Variants in MYO10 observed in about 807,000 individuals in gnomAD.
The protein encoded by MYO10 is unconventional myosin-X.
Under a neutral mutation model 257.3 loss-of-function variants are expected in MYO10, and 133 were observed. The observed-to-expected ratio is 0.52, with a 90% confidence interval of 0.45 to 0.60. The LOEUF is 0.60. Among genes scored for constraint, MYO10 ranks in the 20% least tolerant of loss-of-function variants. The pLI is 0.00. For missense variants in MYO10, 2,399 were observed against 2,635.7 expected (o/e 0.91, Z 1.97); for synonymous variants, 1,104 against 1,028.6 (o/e 1.07, Z -1.40).
At chr5:16,762,194 T>C (rs1309011126) in intron 15 of MYO10, 81 bp from the exon 16 acceptor site, 1 of 1,388,990 alleles carries the variant, frequency 7.2e-7, no homozygotes, top group Non-Finnish European at 9.4e-7. Flanking sequence ...CAGAGAACAC[T>C]AAATACAAAA....
chr5:16,848,155 C>CTTTTTTTTTTTTTTTTTTTTTTTTTTTT (rs371042891), intron 2 of MYO10, among the ~76,000 whole-genome samples: 1 of 113,596 alleles, frequency 8.8e-6, no homozygotes, highest in Non-Finnish European at 1.7e-5. Flanking sequence ...CTACACATTT[C>CTTTTTTTTTTTTTTTTTTTTTTTTTTTT]TTTTTTTTTT....
chr5:16,712,541 T>C (rs1300952079), intron 19 of MYO10, among the ~76,000 whole-genome samples: 2 of 152,278 alleles, frequency 1.3e-5, no homozygotes, highest in East Asian at 3.9e-4. Context: ...GTTAAAAAAA[T>C]ACAAGAATGC....
intron 1 of MYO10, among the ~76,000 whole-genome samples, chr5:16,919,714 C>T (rs890857810): frequency 1.3e-5 from 2 of 152,166 alleles, no homozygotes; most frequent in East Asian, 3.9e-4. Context: ...CAGTGGTTCA[C>T]GCCTGTAATC....
intron 9 of MYO10, 29 bp downstream of exon 9, chr5:16,779,516 A>C (rs1741335941): frequency 7.5e-7 from 1 of 1,338,074 alleles, no homozygotes; most frequent in Non-Finnish European, 1.0e-6. Flanking sequence ...CTGATATCTT[A>C]ATAGGGAAAA....
At chr5:16,704,539 T>C in intron 22 of MYO10, 40 bp downstream of exon 22, 1 of 1,543,432 alleles carries the variant, frequency 6.5e-7, no homozygotes, top group Non-Finnish European at 8.9e-7. Flanking sequence ...GACCCCCTCA[T>C]GGAGCTTCCT....
At chr5:16,898,213 G>A (rs1745267107) in intron 1 of MYO10, among the ~76,000 whole-genome samples, 1 of 151,618 alleles carries the variant, frequency 6.6e-6, no homozygotes, top group Admixed American at 6.6e-5. Context: ...GCAGAAATAA[G>A]GCAAGCCACA....
chr5:16,729,404 TTCTC>T (rs563015422), intron 19 of MYO10, among the ~76,000 whole-genome samples: 149 of 152,268 alleles, frequency 9.8e-4, no homozygotes, highest in African/African-American at 3.6e-3. Flanking sequence ...ATTTTTGTAT[TTCTC>T]TCTACCTTCA....
intron 40 of MYO10, 117 bp from the exon 41 acceptor site, chr5:16,666,910 C>T (rs924474538): frequency 6.9e-5 from 51 of 741,752 alleles, no homozygotes; most frequent in South Asian, 7.3e-5. Flanking sequence ...TGCTAATCGA[C>T]GGATCCCATT....
At chr5:16,895,922 C>T (rs1315477501) in intron 1 of MYO10, among the ~76,000 whole-genome samples, 2 of 152,142 alleles carry the variant, frequency 1.3e-5, no homozygotes, top group African/African-American at 2.4e-5. Flanking sequence ...CACAGCAGGG[C>T]GGGGGCAGGG....
chr5:16,831,507 G>GGT (rs1313973047), intron 2 of MYO10, among the ~76,000 whole-genome samples: 1 of 146,290 alleles, frequency 6.8e-6, no homozygotes, highest in Admixed American at 6.8e-5. Context: ...AAGAAACTGT[G>GGT]GTATATATAT....
chr5:16,815,423 A>T, intron 3 of MYO10: 1 of 700,890 alleles, frequency 1.4e-6, no homozygotes, highest in Non-Finnish European at 2.6e-6. Flanking sequence ...AGCATTGTGG[A>T]TTTGGAGTTT....
At chr5:16,702,885 T>C (rs779105161) in intron 23 of MYO10, 40 bp downstream of exon 23, 28 of 1,514,938 alleles carry the variant, frequency 1.8e-5, no homozygotes, top group South Asian at 3.6e-5. Flanking sequence ...GCACTCAAAA[T>C]GTATCCATTT....
chr5:16,794,270 T>C (rs1235905352), intron 4 of MYO10, among the ~76,000 whole-genome samples: 3 of 151,508 alleles, frequency 2.0e-5, no homozygotes, highest in East Asian at 1.9e-4. Flanking sequence ...CTGTAGGCTA[T>C]ATAAAACATT....
chr5:16,893,520 G>A (rs1745129787), intron 1 of MYO10, among the ~76,000 whole-genome samples: 1 of 151,264 alleles, frequency 6.6e-6, no homozygotes, highest in South Asian at 2.1e-4. Flanking sequence ...TGTAGTCCCA[G>A]CTACTCAGCA....
chr5:16,887,861 T>C (rs1033028291), intron 1 of MYO10, among the ~76,000 whole-genome samples: 1 of 152,176 alleles, frequency 6.6e-6, no homozygotes, highest in South Asian at 2.1e-4. Flanking sequence ...TTTCAGTTAA[T>C]CTTTTAAACT....
chr5:16,668,436 C>A lies in MYO10; in HGVS notation c.5916G>T (p.Trp1972Cys). Residue 1972 changes from tryptophan (W) to cysteine (C), a missense_variant, in exon 40 of 41, where the codon TGG becomes TGT. Physicochemically the swap from Trp to Cys is radical, Grantham distance 215. Around this residue, in one of 3 missense-constraint regions of MYO10, gnomAD observed 1,820 missense variants for 1,939.4 expected, o/e 0.94. Coordinates refer to ENST00000513610, the MANE Select transcript of MYO10 (RefSeq NM_012334.3). Reference protein sequence around the residue: ...CKEGGFPQELWLGVSADAVSV... With the variant: ...CKEGGFPQELCLGVSADAVSV... The stretch of plus-strand genomic sequence containing the variant: ...AGACGGCGTCCGCGCTGACACCCAA[C>A]CAGAGTTCCTGAGGGAAGCCACCTT... 6.2e-7 allele frequency: 1 copy of A among 1,611,924 alleles called. No homozygotes were observed. Among genetic ancestry groups the A allele is most frequent in the African/African-American group, 1.3e-5 (1 of 74,944 alleles).
At chr5:16,787,892 A>G (rs1289040408) in intron 4 of MYO10, among the ~76,000 whole-genome samples, 1 of 152,062 alleles carries the variant, frequency 6.6e-6, no homozygotes, top group African/African-American at 2.4e-5. Flanking sequence ...CCACCTCCCC[A>G]GGTTCAAGCG....
chr5:16,851,952 G>A (rs891903417), intron 2 of MYO10, among the ~76,000 whole-genome samples: 3 of 148,426 alleles, frequency 2.0e-5, no homozygotes, highest in Admixed American at 1.4e-4. Context: ...TCAGGAGGCT[G>A]AGACGGAAGA....
rs1218546867 is a variant in MYO10, at chr5:16,936,202, A to G, written c.-394T>C. 4.5e-6 allele frequency: 1 copy of G among 223,578 alleles called. No homozygotes were observed. Among genetic ancestry groups the G allele is most frequent in the South Asian group, 6.5e-5 (1 of 15,470 alleles). The allele number at this position is 223,578 out of a possible 1,614,324, so 13.8% of individuals were successfully genotyped here. On this transcript the variant is annotated 5_prime_UTR_variant, in exon 1 of 41. Transcript: ENST00000513610. ...GCGGGCAGGAGGACAGCGGGCCGCA[A>G]AGTGAGCAGGAGCCGCGATCCCCGC...
Sources: allele counts gnomAD v4.1 joint callset (sites outside exome capture counted in the v4.1 genomes callset), GRCh38; gene constraint gnomAD v4.1.1; regional missense constraint gnomAD v4.1.1; transcripts MANE v1.5; gene names NCBI Gene and HGNC (gene_info 2026-07-23, HGNC 2026-07-21).